RANBP2: variants seen among roughly 807,000 people sequenced by gnomAD.
The protein encoded by RANBP2 is E3 SUMO-protein ligase RanBP2.
Under a neutral mutation model 303.6 loss-of-function variants are expected in RANBP2, and 57 were observed. The ratio of observed to expected loss-of-function variants is 0.19; its 90% confidence interval spans 0.15 to 0.23. The LOEUF is 0.23. Among genes scored for constraint, RANBP2 ranks in the 10% least tolerant of loss-of-function variants. RANBP2 has a pLI of 1.00. For synonymous variants in RANBP2, 1,167 were observed against 1,301.5 expected, an observed-to-expected ratio of 0.90 and a Z score of 2.23; for missense variants, 3,138 against 3,780.8, an observed-to-expected ratio of 0.83 and a Z score of 4.46.
At chr2:109,096,986 G>T in the RANBP2 span, among the ~76,000 whole-genome samples, 10 of 152,080 alleles carry the variant, frequency 6.6e-5, no homozygotes, top group East Asian at 1.5e-3. Context: ...TAGCTCACTG[G>T]CTTCCCCCCA....
intron 15 of RANBP2, 106 bp from the exon 16 acceptor site, chr2:108,754,799 A>G: frequency 5.1e-6 from 8 of 1,569,708 alleles, no homozygotes; most frequent in Non-Finnish European, 6.9e-6. Context: ...TAAAGTGCCT[A>G]TTAAAGTGGC....
the RANBP2 span, among the ~76,000 whole-genome samples, chr2:109,327,810 T>C: frequency 6.6e-6 from 1 of 152,252 alleles, no homozygotes; most frequent in Non-Finnish European, 1.5e-5. Flanking sequence ...CTTTTACATA[T>C]ACATACCACT....
At chr2:109,098,005 G>A in the RANBP2 span, among the ~76,000 whole-genome samples, 1 of 152,270 alleles carries the variant, frequency 6.6e-6, no homozygotes, top group South Asian at 2.1e-4. Context: ...TCCCCTGGAA[G>A]GCAAAGCTTT....
At chr2:108,846,812 G>C in the RANBP2 span, 3 of 1,612,666 alleles carry the variant, frequency 1.9e-6, no homozygotes, top group Admixed American at 5.0e-5. Flanking sequence ...AAGGAATTCA[G>C]GATAATTCTC....
the RANBP2 span, chr2:108,910,561 T>C: frequency 6.3e-6 from 10 of 1,591,040 alleles, no homozygotes; most frequent in Admixed American, 6.7e-5. Context: ...GTTGGGGAGA[T>C]AGGAGTTAGA....
the RANBP2 span, among the ~76,000 whole-genome samples, chr2:109,645,045 C>T: frequency 6.6e-6 from 1 of 152,336 alleles, no homozygotes; most frequent in South Asian, 2.1e-4. Context: ...CCCCCAGCAA[C>T]TATGCCAGGA....
chr2:109,179,574 A>T, the RANBP2 span, among the ~76,000 whole-genome samples: 1 of 152,228 alleles, frequency 6.6e-6, no homozygotes, highest in Non-Finnish European at 1.5e-5. Flanking sequence ...AGAACATGGT[A>T]CTGGCATCTG....
chr2:109,386,890 G>T, the RANBP2 span, among the ~76,000 whole-genome samples: 181 of 152,308 alleles, frequency 1.2e-3, 1 homozygote, highest in African/African-American at 4.1e-3. Flanking sequence ...AAAAAAATCT[G>T]TCACTGCCGC....
chr2:108,843,845 TG>T, the RANBP2 span, among the ~76,000 whole-genome samples: 8 of 3,440 alleles, frequency 2.3e-3, no homozygotes, highest in Admixed American at 0.031. Flanking sequence ...GTTCATGTTT[TG>T]TGTGTGTGTG....
chr2:109,128,873 G>C, the RANBP2 span: 1 of 298,388 alleles, frequency 3.4e-6, no homozygotes, highest in South Asian at 2.4e-5. Flanking sequence ...AGATGTCCTA[G>C]GGGACCAGGC....
the RANBP2 span, among the ~76,000 whole-genome samples, chr2:109,445,137 G>A: frequency 1.3e-5 from 2 of 152,232 alleles, no homozygotes; most frequent in Non-Finnish European, 2.9e-5. Flanking sequence ...AATTTATCCA[G>A]AATACAGAGC....
chr2:109,329,593 A>G, the RANBP2 span, among the ~76,000 whole-genome samples: 1 of 152,224 alleles, frequency 6.6e-6, no homozygotes, highest in Non-Finnish European at 1.5e-5. Flanking sequence ...AAGGCTGATG[A>G]TAAGTCTGGA....
chr2:109,504,850 C>CATG, the RANBP2 span, among the ~76,000 whole-genome samples: 1 of 152,266 alleles, frequency 6.6e-6, no homozygotes. Context: ...ATGTCTGTAC[C>CATG]CAGCACATGC....
At chr2:108,846,222 A>C in the RANBP2 span, among the ~76,000 whole-genome samples, 1 of 152,216 alleles carries the variant, frequency 6.6e-6, no homozygotes, top group Non-Finnish European at 1.5e-5. Flanking sequence ...TGTGTCAGAA[A>C]TATAGCATGA....
chr2:109,306,589 G>A, the RANBP2 span, among the ~76,000 whole-genome samples: 47,275 of 152,122 alleles, frequency 0.31, 9,067 homozygotes, highest in African/African-American at 0.54. Context: ...CAGGCAGGAA[G>A]CTACATGCCA....
intron 4 of RANBP2, among the ~76,000 whole-genome samples, chr2:108,733,503 A>G (rs1050841640): frequency 6.6e-6 from 1 of 152,172 alleles, no homozygotes; most frequent in African/African-American, 2.4e-5. Flanking sequence ...GCTATGAACA[A>G]TCAAGTACAG....
chr2:109,046,706 AAACT>A, the RANBP2 span, among the ~76,000 whole-genome samples: 1 of 152,116 alleles, frequency 6.6e-6, no homozygotes, highest in Admixed American at 6.5e-5. Flanking sequence ...GTTCAAAACA[AAACT>A]AACTATAAGG....
At chr2:109,548,507 AAGTTGTC>A in the RANBP2 span, among the ~76,000 whole-genome samples, 1 of 152,140 alleles carries the variant, frequency 6.6e-6, no homozygotes, top group African/African-American at 2.4e-5. Flanking sequence ...CTAAGACACC[AAGTTGTC>A]TAGAAAGGGG....
At chr2:109,217,873 C>G in the RANBP2 span, among the ~76,000 whole-genome samples, 1 of 152,160 alleles carries the variant, frequency 6.6e-6, no homozygotes, top group Admixed American at 6.5e-5. Context: ...TACAGGGGAT[C>G]TCTGTTGTGG....
Sources: allele counts gnomAD v4.1 joint callset (sites outside exome capture counted in the v4.1 genomes callset), GRCh38; gene constraint gnomAD v4.1.1; transcripts MANE v1.5; gene names NCBI Gene and HGNC (gene_info 2026-07-23, HGNC 2026-07-21).